Variants in WDR72 observed in about 807,000 individuals in gnomAD.
The protein encoded by WDR72 is WD repeat-containing protein 72.
WDR72 carries 120 observed loss-of-function variants against 124.2 expected under a neutral mutation model. That is an observed-to-expected ratio of 0.97 (90% CI 0.83 to 1.12). The LOEUF (loss-of-function observed/expected upper bound fraction) is 1.12. Among genes scored for constraint, WDR72 ranks in the 50% most tolerant of loss-of-function variants. The pLI, the probability that WDR72 is intolerant of heterozygous loss-of-function variation, is 0.00. For synonymous variants in WDR72, 452 were observed against 441.7 expected (o/e 1.02, Z -0.29); for missense variants, 1,387 against 1,278.8 (o/e 1.08, Z -1.29).
intron 9 of WDR72, among the ~76,000 whole-genome samples, chr15:53,706,346 G>A (rs1355187313): frequency 7.1e-5 from 7 of 98,058 alleles, no homozygotes; most frequent in African/African-American, 2.6e-4. Context: ...GTGTGTGTGT[G>A]TGTGTATATA....
intron 18 of WDR72, among the ~76,000 whole-genome samples, chr15:53,540,504 A>G (rs1595744033): frequency 1.3e-5 from 2 of 152,252 alleles, no homozygotes; most frequent in South Asian, 2.1e-4. Flanking sequence ...AATTCAATAC[A>G]AAACTGTAGA....
intron 18 of WDR72, among the ~76,000 whole-genome samples, chr15:53,596,695 T>C (rs962791927): frequency 6.6e-6 from 1 of 152,202 alleles, no homozygotes; most frequent in Admixed American, 6.6e-5. Flanking sequence ...CAAATATTTA[T>C]GATTATAATA....
chr15:53,722,902 C>T lies in WDR72; in HGVS notation c.160G>A (p.Ala54Thr), dbSNP rs1288933119. Residue 54 changes from alanine (A) to threonine (T), a missense_variant, in exon 3 of 20, where the codon GCG becomes ACG. Coordinates refer to ENST00000360509, the MANE Select transcript of WDR72 (RefSeq NM_182758.4). ...WNLSHELKIS[A>T]KELLFGHSAS... ...GAATGACCAAATAGGAGTTCTTTCG[C>T]TGAAATCTGAAAATAATGAGAGTGA... is the stretch of plus-strand genomic sequence containing the variant. The T allele has an allele frequency of 6.2e-7, 1 of 1,613,826 alleles. No individual in the cohort carries two copies. The highest frequency in any genetic ancestry group is 1.1e-5 in the South Asian group (1 of 91,080).
chr15:53,681,314 T>G (rs144984489), intron 13 of WDR72, among the ~76,000 whole-genome samples: 4 of 152,304 alleles, frequency 2.6e-5, no homozygotes, highest in Admixed American at 1.3e-4. Flanking sequence ...TGGGTTTATT[T>G]CCACTAAACG....
intron 13 of WDR72, among the ~76,000 whole-genome samples, chr15:53,675,581 A>G (rs2016144043): frequency 1.3e-5 from 2 of 152,196 alleles, no homozygotes; most frequent in African/African-American, 4.8e-5. Context: ...TAAATTTATT[A>G]CACCAGGCAT....
At chr15:53,670,061 C>T (rs1477580939) in intron 13 of WDR72, among the ~76,000 whole-genome samples, 1 of 152,188 alleles carries the variant, frequency 6.6e-6, no homozygotes, top group East Asian at 1.9e-4. Context: ...TACACTACAT[C>T]TCCTCCTTCA....
At chr15:53,653,457 T>C (rs2015310588) in intron 14 of WDR72, among the ~76,000 whole-genome samples, 1 of 152,186 alleles carries the variant, frequency 6.6e-6, no homozygotes, top group Admixed American at 6.5e-5. Context: ...CTTGAAGGTA[T>C]AGAATTGAGG....
chr15:53,536,463 A>T (rs954846931), intron 18 of WDR72, among the ~76,000 whole-genome samples: 1 of 152,118 alleles, frequency 6.6e-6, no homozygotes, highest in African/African-American at 2.4e-5. Flanking sequence ...GCTGTCTGAA[A>T]CGCTATGATC....
At position 53,615,563 on chromosome 15, in the gene WDR72, C is replaced by T. The variant is rs187218340; in HGVS notation, c.2643G>A (p.Gln881=). Residue 881 remains glutamine, a synonymous_variant, in exon 15 of 20, where the codon CAG becomes CAA. Coordinates refer to ENST00000360509, the MANE Select transcript of WDR72 (RefSeq NM_182758.4). ...TTTCCAATCCTCTTGGAATTCCAAC[C>T]TGATTTGGAAGAGTGGCTGTGTATT... ...SDKYTATLPN[Q]VGIPRGLENN... 4 of 1,613,030 alleles carry T rather than the reference C, an allele frequency of 2.5e-6. No individual in the cohort carries two copies. In the East Asian group the frequency reaches 8.9e-5, roughly 36 times the overall value.
chr15:53,560,633 C>A (rs900174092), intron 18 of WDR72, among the ~76,000 whole-genome samples: 1 of 151,650 alleles, frequency 6.6e-6, no homozygotes, highest in Non-Finnish European at 1.5e-5. Context: ...TAGAGAATGG[C>A]CTTTAGATAA....
At chr15:53,591,696 AC>A (rs1244238087) in intron 18 of WDR72, among the ~76,000 whole-genome samples, 4 of 9,062 alleles carry the variant, frequency 4.4e-4, no homozygotes, top group Middle Eastern at 0.17. Context: ...ACACACACAC[AC>A]ACACACACAC....
At chr15:53,645,115 C>G (rs1595816338) in intron 14 of WDR72, among the ~76,000 whole-genome samples, 1 of 152,050 alleles carries the variant, frequency 6.6e-6, no homozygotes, top group African/African-American at 2.4e-5. Context: ...CCTGCTTTAG[C>G]GAACTGTATC....
At chr15:53,525,743 T>C (rs1488664469) in intron 18 of WDR72, among the ~76,000 whole-genome samples, 1 of 151,948 alleles carries the variant, frequency 6.6e-6, no homozygotes, top group African/African-American at 2.4e-5. Context: ...TTTTGGAGGG[T>C]GTGACTTGTG....
chr15:53,734,376 T>C (rs2018289364), intron 1 of WDR72, among the ~76,000 whole-genome samples: 2 of 152,306 alleles, frequency 1.3e-5, no homozygotes, highest in South Asian at 2.1e-4. Context: ...GTTCTGAGCA[T>C]TGCAATTCTG....
chr15:53,565,819 G>C (rs919906142), intron 18 of WDR72, among the ~76,000 whole-genome samples: 2 of 151,792 alleles, frequency 1.3e-5, no homozygotes, highest in Non-Finnish European at 2.9e-5. Flanking sequence ...TAATATGTTG[G>C]TAGATTCTGA....
At position 53,702,353 on chromosome 15, in the gene WDR72, A is replaced by G. The variant is rs2017209343; in HGVS notation, c.1350T>C (p.Asp450=). Residue 450 remains aspartate, a splice_region_variant and synonymous_variant, in exon 12 of 20, where the codon GAT becomes GAC. Coordinates refer to ENST00000360509, the MANE Select transcript of WDR72 (RefSeq NM_182758.4). ...CTTTAAGAACTTTATGAGGGGGAGA[A>G]TCTGAAAAACAATGAAACACCAAAT... is the stretch of plus-strand genomic sequence containing the variant. The part of the protein sequence containing the change: ...RLLEGGSLVK[D]SPPHKVLKGH... 1 of 1,610,030 alleles carries G rather than the reference A, an allele frequency of 6.2e-7. No individual in the cohort carries two copies. The highest frequency in any genetic ancestry group is 1.3e-5 in the African/African-American group (1 of 74,832).
In WDR72 at chr15:53,616,127, CA is replaced by C; in HGVS notation, c.2078del (p.Leu693CysfsTer21). On this transcript the variant is annotated frameshift_variant, in exon 15 of 20. Transcript: ENST00000360509. LOFTEE classifies it high-confidence loss of function. ...LFDLENLVEL[L>X]LPTPLSDVDS... The stretch of plus-strand genomic sequence containing the variant: ...CAACATCACTGAGTGGAGTTGGTAG[CA>C]AAAGTTCAACAAGGTTTTCCAGATC... 5 of 1,604,082 alleles carry C rather than the reference CA, an allele frequency of 3.1e-6. No homozygotes were observed. The highest frequency in any genetic ancestry group is 4.3e-6 in the Non-Finnish European group (5 of 1,174,306).
chr15:53,743,632 G>C (rs2018566458), intron 1 of WDR72, among the ~76,000 whole-genome samples: 1 of 152,108 alleles, frequency 6.6e-6, no homozygotes. Context: ...AGGATTTCCG[G>C]TTTTAATATT....
At chr15:53,751,688 G>C (rs1195248293) in intron 1 of WDR72, among the ~76,000 whole-genome samples, 1 of 151,942 alleles carries the variant, frequency 6.6e-6, no homozygotes, top group Non-Finnish European at 1.5e-5. Context: ...CTGGTTTTGT[G>C]ACCCAATGAG....
Sources: gnomAD v4.1 joint callset for allele counts (sites outside exome capture counted in the v4.1 genomes callset) on GRCh38, gnomAD v4.1.1 for gene constraint, MANE v1.5 for transcripts, NCBI Gene and HGNC (gene_info 2026-07-23, HGNC 2026-07-21) for gene names.